EPHA6: variants seen among roughly 807,000 people sequenced by gnomAD.
EPHA6 encodes ephrin type-A receptor 6.
Under a neutral mutation model 112.0 loss-of-function variants are expected in EPHA6, and 50 were observed. The observed-to-expected ratio is 0.45, with a 90% CI of 0.36 to 0.56. The LOEUF is 0.56. Among genes scored for constraint, EPHA6 ranks in the 20% least tolerant of loss-of-function variants. The pLI is 0.00. For synonymous variants in EPHA6, 529 were observed against 490.7 expected, an observed-to-expected ratio of 1.08 and a Z score of -1.03; for missense variants, 1,280 against 1,417.4, an observed-to-expected ratio of 0.90 and a Z score of 1.56.
At chr3:97,651,904 A>C (rs2094109803) in intron 14 of EPHA6, among the ~76,000 whole-genome samples, 1 of 151,882 alleles carries the variant, frequency 6.6e-6, no homozygotes, top group African/African-American at 2.4e-5. Context: ...GCATGGGTAA[A>C]TTGTGTGTCA....
intron 3 of EPHA6, among the ~76,000 whole-genome samples, chr3:97,176,617 C>T (rs1023885091): frequency 6.6e-6 from 1 of 151,784 alleles, no homozygotes; most frequent in African/African-American, 2.4e-5. Flanking sequence ...CTGGTTCGAT[C>T]TTGGTAGGTT....
chr3:97,524,946 A>G (rs908794859), intron 10 of EPHA6, among the ~76,000 whole-genome samples: 8 of 152,248 alleles, frequency 5.3e-5, no homozygotes, highest in Admixed American at 3.9e-4. Flanking sequence ...TCAGAAACCA[A>G]TGAGATTTAA....
intron 13 of EPHA6, among the ~76,000 whole-genome samples, chr3:97,628,658 C>G (rs1483140893): frequency 6.6e-6 from 1 of 151,896 alleles, no homozygotes; most frequent in African/African-American, 2.4e-5. Flanking sequence ...GAAGAGTTTC[C>G]TTGAGCAAAT....
intron 5 of EPHA6, among the ~76,000 whole-genome samples, chr3:97,362,446 C>T (rs1479562548): frequency 2.0e-5 from 3 of 151,892 alleles, no homozygotes; most frequent in Admixed American, 1.3e-4. Flanking sequence ...TTAAGGTTTT[C>T]ATAATATCTA....
At chr3:97,538,281 A>G (rs2092790915) in intron 11 of EPHA6, among the ~76,000 whole-genome samples, 1 of 152,210 alleles carries the variant, frequency 6.6e-6, no homozygotes, top group Non-Finnish European at 1.5e-5. Context: ...AAATTAAGAC[A>G]CTTCAGTGAC....
At chr3:97,031,245 G>C (rs534296130) in intron 3 of EPHA6, among the ~76,000 whole-genome samples, 2 of 152,066 alleles carry the variant, frequency 1.3e-5, no homozygotes, top group African/African-American at 4.8e-5. Context: ...CTAGCCATAG[G>C]TAGAAAGCTG....
At chr3:97,420,965 T>A (rs1234928609) in intron 6 of EPHA6, among the ~76,000 whole-genome samples, 1 of 152,094 alleles carries the variant, frequency 6.6e-6, no homozygotes, top group Non-Finnish European at 1.5e-5. Context: ...TTCCAAATAA[T>A]CACCTTAATA....
chr3:96,819,103 T>C (rs1033414056), intron 1 of EPHA6, among the ~76,000 whole-genome samples: 1 of 151,986 alleles, frequency 6.6e-6, no homozygotes, highest in African/African-American at 2.4e-5. Context: ...ACAAAAATTA[T>C]ACATAATCCT....
At chr3:96,858,444 TG>T in intron 1 of EPHA6, among the ~76,000 whole-genome samples, 1 of 152,230 alleles carries the variant, frequency 6.6e-6, no homozygotes, top group Non-Finnish European at 1.5e-5. Context: ...GGAAGTTTCT[TG>T]GGACATGATA....
chr3:97,720,173 CT>C, intron 14 of EPHA6, 87 bp from the exon 15 acceptor site: 1 of 1,201,346 alleles, frequency 8.3e-7, no homozygotes, highest in Non-Finnish European at 1.1e-6. Context: ...GTATTTAGAT[CT>C]TTCTAATAAA....
rs556241357 is a variant in EPHA6 at position 97,099,972 on chromosome 3, G to C, written c.1114+111979G>C. ...GCTTAGCACAAAATTGGAAGTTGGA[G>C]AAAATTAAAAACAAAGGAGTGTCTC... On this transcript the variant is annotated intron_variant, in intron 3 of 17. Transcript: ENST00000389672. 1.2e-4 allele frequency among the ~76,000 whole-genome samples: 18 copies of C among 152,050 alleles called. No individual in the cohort carries two copies. In the East Asian group the frequency reaches 3.3e-3, roughly 28 times the overall value.
chr3:97,095,388 A>G (rs1388597539), intron 3 of EPHA6, among the ~76,000 whole-genome samples: 3 of 152,012 alleles, frequency 2.0e-5, no homozygotes, highest in Non-Finnish European at 4.4e-5. Context: ...CCAACATGGC[A>G]CATGTATACA....
intron 3 of EPHA6, among the ~76,000 whole-genome samples, chr3:97,045,609 C>T (rs534587331): frequency 2.0e-5 from 3 of 151,904 alleles, no homozygotes; most frequent in South Asian, 2.1e-4. Context: ...ATAAGTTACA[C>T]AAAAATAGAT....
At chr3:97,407,852 C>T (rs1008936298) in intron 6 of EPHA6, among the ~76,000 whole-genome samples, 3 of 152,054 alleles carry the variant, frequency 2.0e-5, no homozygotes, top group African/African-American at 4.8e-5. Context: ...CCCTTCAAAA[C>T]AGTCCAAACC....
At chr3:97,720,181 T>TA in intron 14 of EPHA6, 80 bp from the exon 15 acceptor site, 1 of 1,271,276 alleles carries the variant, frequency 7.9e-7, no homozygotes, top group Non-Finnish European at 1.0e-6. Context: ...ATCTTTCTAA[T>TA]AAAAAATATT....
rs76822270 is a variant in EPHA6 at position 97,225,616 on chromosome 3, G to A, written c.1115-648G>A. ...TTGTGTACCACCACTCCTCATTGAT[G>A]TTGATATTGAATAACCAACCTCTTG... On this transcript the variant is annotated intron_variant, in intron 3 of 17. Transcript: ENST00000389672. 3.1e-3 allele frequency among the ~76,000 whole-genome samples: 479 copies of A among 152,186 alleles called. 3 individuals are homozygous for A. Among genetic ancestry groups the A allele is most frequent in the African/African-American group, 0.01 (436 of 41,542 alleles).
intron 11 of EPHA6, among the ~76,000 whole-genome samples, chr3:97,545,935 C>T (rs1433670933): frequency 6.6e-6 from 1 of 152,102 alleles, no homozygotes; most frequent in Non-Finnish European, 1.5e-5. Context: ...TTCCTCCATC[C>T]CTTTATTTTG....
intron 9 of EPHA6, among the ~76,000 whole-genome samples, chr3:97,482,711 A>G (rs1424649608): frequency 6.6e-6 from 1 of 152,186 alleles, no homozygotes; most frequent in Non-Finnish European, 1.5e-5. Context: ...TTTTGTTTAT[A>G]TGTTTTGCAA....
chr3:97,602,429 A>G (rs913276474), intron 12 of EPHA6, among the ~76,000 whole-genome samples: 12 of 152,020 alleles, frequency 7.9e-5, no homozygotes, highest in South Asian at 2.1e-4. Flanking sequence ...CTAGGATAAG[A>G]CACAGAGATT....
Sources: allele counts gnomAD v4.1 joint callset (sites outside exome capture counted in the v4.1 genomes callset), GRCh38; gene constraint gnomAD v4.1.1; transcripts MANE v1.5; gene names NCBI Gene and HGNC (gene_info 2026-07-23, HGNC 2026-07-21).